The following AQP9 variants were observed in gnomAD, a reference collection of about 807,000 sequenced individuals.
AQP9 encodes aquaporin-9.
AQP9 carries 19 observed loss-of-function variants against 23.8 expected under a neutral mutation model. The ratio of observed to expected loss-of-function variants is 0.80; its 90% CI spans 0.56 to 1.17. The LOEUF (loss-of-function observed/expected upper bound fraction) is 1.17. AQP9 is among the 50% of genes most tolerant of loss of function. AQP9 has a pLI of 0.00. For missense variants in AQP9, 413 were observed against 362.0 expected (o/e 1.14, Z -1.14); for synonymous variants, 153 against 131.5 (o/e 1.16, Z -1.12).
In AQP9 at chr15:58,183,889, G is replaced by C. The variant is rs114461516; in HGVS notation, c.714-72G>C. ...ATGAGTGTGAGAAAGACTAACAAGTGAGTGAAAAACTAGACAGTAATACCA... is the reference window on the plus strand; with the variant it reads ...ATGAGTGTGAGAAAGACTAACAAGTCAGTGAAAAACTAGACAGTAATACCA... On this transcript the variant is annotated intron_variant, in intron 5 of 5. Coordinates refer to ENST00000219919, the MANE Select transcript of AQP9 (RefSeq NM_020980.5). The C allele has an allele frequency of 2.7e-4, 397 of 1,479,534 alleles. 1 individual carries two copies. The African/African-American group carries it at 5.0e-3, about 19-fold the overall frequency. The allele number at this position is 1,479,534 out of a possible 1,614,324, so 91.7% of individuals were successfully genotyped here.
rs375851136 is a variant in AQP9, at chr15:58,139,902, CATT to C, written c.111+1229_111+1231del. On this transcript the variant is annotated intron_variant, in intron 1 of 5. Transcript: ENST00000219919. ...CACTCACTGTCATAATGTAGCAAGA[CATT>C]ATGTAGTAAGACATTATGTAAGTAG... Among the ~76,000 whole-genome samples, 5 of 152,202 alleles carry C rather than the reference CATT, an allele frequency of 3.3e-5. No homozygotes were observed. In the East Asian group the frequency reaches 9.7e-4, roughly 29 times the overall value.
At chr15:58,154,736 C>T (rs111435672) in intron 1 of AQP9, among the ~76,000 whole-genome samples, 98 of 152,122 alleles carry the variant, frequency 6.4e-4, no homozygotes, top group African/African-American at 2.1e-3. Flanking sequence ...ATTAACCCCA[C>T]GAAAGTCCCA....
intron 2 of AQP9, among the ~76,000 whole-genome samples, chr15:58,172,560 C>T (rs1898647567): frequency 6.6e-6 from 1 of 152,158 alleles, no homozygotes; most frequent in Admixed American, 6.5e-5. Flanking sequence ...TCAACTATGC[C>T]CCCACCCTCA....
chr15:58,169,525 T>A (rs1453883516), intron 2 of AQP9, among the ~76,000 whole-genome samples: 1 of 152,158 alleles, frequency 6.6e-6, no homozygotes, highest in Non-Finnish European at 1.5e-5. Context: ...GACTTTCTCA[T>A]CGTGGCTGCA....
chr15:58,148,796 C>T (rs116431322), intron 1 of AQP9, among the ~76,000 whole-genome samples: 18 of 152,128 alleles, frequency 1.2e-4, no homozygotes, highest in Non-Finnish European at 2.2e-4. Flanking sequence ...TCAATCACCT[C>T]TCCTTTCTGA....
In AQP9 at chr15:58,184,320, T is replaced by C. The variant is rs1898965037; in HGVS notation, c.*185T>C. 1 of 583,334 alleles carries C rather than the reference T, an allele frequency of 1.7e-6. No individual in the cohort carries two copies. The highest frequency in any genetic ancestry group is 2.9e-6 in the Non-Finnish European group (1 of 339,816). 36.1% of individuals were successfully genotyped at this position (583,334 alleles called of 1,614,324 possible). A position where few individuals can be genotyped will look rare whatever the true frequency, so the allele number is the denominator to read the frequency against. On this transcript the variant is annotated 3_prime_UTR_variant, in exon 6 of 6. Coordinates refer to ENST00000219919, the MANE Select transcript of AQP9 (RefSeq NM_020980.5). ...GAAACAATGACCACTTCTCTACCAT[T>C]GTCCCCCACCCCCACCCCCCAGAAT...
At chr15:58,138,370 G>C (rs1158970695), upstream of AQP9, 2 of 504,142 alleles carry the variant, frequency 4.0e-6, no homozygotes, top group Non-Finnish European at 7.2e-6. Context: ...AGCGAACAGG[G>C]AATGACAGTT....
In AQP9 at chr15:58,163,265, T is replaced by A. The variant is rs1414933573; in HGVS notation, c.112-3408T>A. 1.7e-4 allele frequency among the ~76,000 whole-genome samples: 26 copies of A among 152,150 alleles called. 1 individual carries two copies. The highest frequency in any genetic ancestry group is 1.4e-3 in the Admixed American group (22 of 15,278). On this transcript the variant is annotated intron_variant, in intron 1 of 5. Transcript: ENST00000219919. ...ATGGTTTTGTGACTTTTCTAATTCT[T>A]CTTGAGGAGGCAGCTAGATTGAGCA...
intron 5 of AQP9, among the ~76,000 whole-genome samples, chr15:58,181,275 T>A (rs1898883482): frequency 6.6e-6 from 1 of 152,222 alleles, no homozygotes; most frequent in African/African-American, 2.4e-5. Flanking sequence ...CTACTTGATA[T>A]CTTACTCAAG....
rs530816534 is a variant in AQP9, at chr15:58,183,828, C to T, written c.714-133C>T. The stretch of plus-strand genomic sequence containing the variant: ...CAGTTGCCATGCTGCACTGAGCCCC[C>T]CTTATACTTAGCTCTTGCTGAGTTA... On this transcript the variant is annotated intron_variant, in intron 5 of 5. Coordinates refer to ENST00000219919, the MANE Select transcript of AQP9 (RefSeq NM_020980.5). 3.1e-6 allele frequency: 3 copies of T among 965,646 alleles called. No individual in the cohort carries two copies. In the South Asian group the frequency reaches 4.7e-5, roughly 15 times the overall value. 59.8% of individuals were successfully genotyped at this position (965,646 alleles called of 1,614,324 possible).
In AQP9 at chr15:58,173,187, G is replaced by T. The variant is rs200107166; in HGVS notation, c.358G>T (p.Val120Phe). The T allele has an allele frequency of 1.2e-6, 2 of 1,614,096 alleles. No homozygotes were observed. The highest frequency in any genetic ancestry group is 1.1e-5 in the South Asian group (1 of 91,078). ...FLGAFVGAAT[V>F]FGIYYDGLMS... ...GGGAGCCTTTGTGGGGGCTGCAACC[G>T]TCTTTGGCATTTACTATGGTGAGTA... Residue 120 changes from valine to phenylalanine, a missense_variant, in exon 3 of 6, where the codon GTC becomes TTC. Transcript: ENST00000219919.
intron 2 of AQP9, among the ~76,000 whole-genome samples, chr15:58,171,549 C>T (rs1314958157): frequency 6.6e-6 from 1 of 152,162 alleles, no homozygotes; most frequent in Non-Finnish European, 1.5e-5. Context: ...CTGCTAGTCT[C>T]CAGAACTGTG....
At chr15:58,144,649 T>C (rs1401384785) in intron 1 of AQP9, among the ~76,000 whole-genome samples, 1 of 152,202 alleles carries the variant, frequency 6.6e-6, no homozygotes, top group Admixed American at 6.5e-5. Flanking sequence ...GAGTTATGTA[T>C]TTCTTGAAGA....
intron 1 of AQP9, among the ~76,000 whole-genome samples, chr15:58,141,675 C>G (rs1000086486): frequency 1.2e-4 from 18 of 152,178 alleles, no homozygotes; most frequent in Admixed American, 1.2e-3. Flanking sequence ...CTTCCTGCTC[C>G]TACCTTCCAC....
intron 1 of AQP9, among the ~76,000 whole-genome samples, chr15:58,157,676 G>A (rs1185491691): frequency 6.6e-6 from 1 of 152,192 alleles, no homozygotes; most frequent in Non-Finnish European, 1.5e-5. Flanking sequence ...GAGGAGAGGA[G>A]TGTGTGAGAG....
chr15:58,166,798 T>C lies in AQP9; in HGVS notation c.237T>C (p.Ser79=), dbSNP rs755782251. 3 of 1,613,542 alleles carry C rather than the reference T, an allele frequency of 1.9e-6. No individual in the cohort carries two copies. Among genetic ancestry groups the C allele is most frequent in the South Asian group, 1.1e-5 (1 of 91,002 alleles). Residue 79 remains serine (S), a splice_region_variant and synonymous_variant, in exon 2 of 6, where the codon TCT becomes TCC. Transcript: ENST00000219919. ...CCATTTATGTGGCTGGCGGTGTCTC[T>C]GGTAAGCAGTAGAAATAATGAATGC... ...AMAIYVAGGV[S]GGHINPAVSL... is the part of the protein sequence containing the mutation.
chr15:58,153,620 C>T (rs1311059682), intron 1 of AQP9: 1 of 152,094 alleles, frequency 6.6e-6, no homozygotes, highest in Non-Finnish European at 1.5e-5. Flanking sequence ...GTTCAGGATC[C>T]ATCATCCATA....
intron 1 of AQP9, among the ~76,000 whole-genome samples, chr15:58,157,454 G>C (rs1224677363): frequency 6.6e-6 from 1 of 152,184 alleles, no homozygotes; most frequent in Non-Finnish European, 1.5e-5. Context: ...ATGTAATAAA[G>C]GGGGCAGGTG....
chr15:58,166,881 T>C, intron 2 of AQP9, 82 bp downstream of exon 2: 1 of 1,454,100 alleles, frequency 6.9e-7, no homozygotes. Context: ...TCACATACCT[T>C]AATTTACTTA....
Sources: gnomAD v4.1 joint callset for allele counts (sites outside exome capture counted in the v4.1 genomes callset) on GRCh38, gnomAD v4.1.1 for gene constraint, MANE v1.5 for transcripts, NCBI Gene and HGNC (gene_info 2026-07-23, HGNC 2026-07-21) for gene names.